ADARB2: variants seen among roughly 807,000 people sequenced by gnomAD.
The protein encoded by ADARB2 is inactive double-stranded RNA-specific editase B2.
Under a neutral mutation model 62.2 loss-of-function variants are expected in ADARB2, and 25 were observed. The ratio of observed to expected loss-of-function variants is 0.40; its 90% CI spans 0.29 to 0.56. The LOEUF (loss-of-function observed/expected upper bound fraction) is 0.56, where lower values mean the gene tolerates loss of function less well. ADARB2 is among the 20% of genes least tolerant of loss of function. The pLI is 0.43. For synonymous variants in ADARB2, 572 were observed against 500.8 expected (o/e 1.14, Z -1.90); for missense variants, 1,071 against 1,077.4 (o/e 0.99, Z 0.08).
At chr10:1,236,320 T>C (rs1446452036) in intron 5 of ADARB2, among the ~76,000 whole-genome samples, 291 of 15,452 alleles carry the variant, frequency 0.019, 17 homozygotes, top group Non-Finnish European at 0.024. Flanking sequence ...TCCCGGTGTT[T>C]ACTCCCCTCT....
At chr10:1,596,983 T>C (rs1760804612) in intron 1 of ADARB2, among the ~76,000 whole-genome samples, 1 of 151,928 alleles carries the variant, frequency 6.6e-6, no homozygotes, top group Non-Finnish European at 1.5e-5. Context: ...CAGTGTGTGA[T>C]TGTTAAAGGG....
chr10:1,354,875 C>A (rs896292428), intron 3 of ADARB2, among the ~76,000 whole-genome samples: 1 of 152,230 alleles, frequency 6.6e-6, no homozygotes, highest in African/African-American at 2.4e-5. Context: ...AGGCTGTAGG[C>A]TCTCTGCTTA....
At chr10:1,511,208 G>T (rs1316129512) in intron 1 of ADARB2, among the ~76,000 whole-genome samples, 1 of 152,060 alleles carries the variant, frequency 6.6e-6, no homozygotes, top group Non-Finnish European at 1.5e-5. Flanking sequence ...CGTATCGGGT[G>T]GATGCACTTA....
intron 1 of ADARB2, among the ~76,000 whole-genome samples, chr10:1,530,396 A>T (rs1832215806): frequency 1.3e-5 from 2 of 152,196 alleles, no homozygotes; most frequent in Non-Finnish European, 2.9e-5. Context: ...TTCCAAACCC[A>T]GCACCCGGGC....
chr10:1,285,419 C>A (rs1311945931), intron 3 of ADARB2, among the ~76,000 whole-genome samples: 1 of 152,170 alleles, frequency 6.6e-6, no homozygotes, highest in Non-Finnish European at 1.5e-5. Context: ...TTGCCTGGCA[C>A]CCTCAGAGCA....
At chr10:1,445,822 G>T (rs1235753017) in intron 1 of ADARB2, among the ~76,000 whole-genome samples, 1 of 152,224 alleles carries the variant, frequency 6.6e-6, no homozygotes, top group Non-Finnish European at 1.5e-5. Context: ...ATGGAAGGAG[G>T]TTTGTTAAGA....
At chr10:1,664,581 C>T (rs187614332) in intron 1 of ADARB2, among the ~76,000 whole-genome samples, 28 of 152,336 alleles carry the variant, frequency 1.8e-4, no homozygotes, top group African/African-American at 5.8e-4. Context: ...TTGCTGTTTA[C>T]GGCGAGCAGG....
chr10:1,536,781 C>A (rs1235680932), intron 1 of ADARB2, among the ~76,000 whole-genome samples: 1 of 152,132 alleles, frequency 6.6e-6, no homozygotes, highest in East Asian at 1.9e-4. Context: ...TGAAATTGGA[C>A]TCCTTCCTTT....
At chr10:1,572,099 G>T (rs937828583) in intron 1 of ADARB2, among the ~76,000 whole-genome samples, 1 of 147,886 alleles carries the variant, frequency 6.8e-6, no homozygotes, top group Admixed American at 6.7e-5. Context: ...TGGTGAGTGT[G>T]CAGGTGAGTG....
In ADARB2 at chr10:1,393,311, T is replaced by C. The variant is rs12569543; in HGVS notation, c.101-14151A>G. On this transcript the variant is annotated intron_variant, in intron 1 of 9. Coordinates refer to ENST00000381312, the MANE Select transcript of ADARB2 (RefSeq NM_018702.4). The stretch of plus-strand genomic sequence containing the variant: ...AGGCGTGCAATGCATAACAATCATA[T>C]CATGGAAAACGTGGTATCCATCCCC... Among the ~76,000 whole-genome samples the C allele has an allele frequency of 7.4e-3, 1,125 of 152,380 alleles. 24 individuals carry two copies. The East Asian group carries it at 0.081, about 11-fold the overall frequency.
intron 1 of ADARB2, among the ~76,000 whole-genome samples, chr10:1,392,952 A>C (rs921725863): frequency 2.0e-5 from 3 of 151,332 alleles, no homozygotes; most frequent in Non-Finnish European, 4.4e-5. Flanking sequence ...AATTGTGTTC[A>C]AAAAAAAACA....
chr10:1,399,174 A>G (rs1832641116), intron 1 of ADARB2, among the ~76,000 whole-genome samples: 1 of 152,232 alleles, frequency 6.6e-6, no homozygotes, highest in African/African-American at 2.4e-5. Context: ...TACAGGGGCC[A>G]ATGGCAGTCA....
intron 1 of ADARB2, among the ~76,000 whole-genome samples, chr10:1,570,096 C>T (rs543255395): frequency 2.0e-5 from 3 of 151,962 alleles, no homozygotes; most frequent in South Asian, 2.1e-4. Context: ...CACATACAAA[C>T]GTATATACGT....
chr10:1,337,029 A>G (rs1214082271), intron 3 of ADARB2, among the ~76,000 whole-genome samples: 1 of 151,538 alleles, frequency 6.6e-6, no homozygotes, highest in Non-Finnish European at 1.5e-5. Flanking sequence ...ACTAATCCAA[A>G]TAAAGATTTT....
At chr10:1,525,816 C>T (rs374363436) in intron 1 of ADARB2, among the ~76,000 whole-genome samples, 10 of 151,188 alleles carry the variant, frequency 6.6e-5, no homozygotes, top group Non-Finnish European at 1.2e-4. Context: ...TGAGCATGTA[C>T]GTGTGTGCGC....
At chr10:1,262,058 C>T (rs1479474997) in intron 4 of ADARB2, among the ~76,000 whole-genome samples, 51 of 144,348 alleles carry the variant, frequency 3.5e-4, no homozygotes, top group East Asian at 6.0e-4. Flanking sequence ...AACCAAACAC[C>T]GCATATTCTC....
intron 1 of ADARB2, among the ~76,000 whole-genome samples, chr10:1,713,213 G>A (rs760488041): frequency 3.9e-5 from 6 of 152,164 alleles, no homozygotes; most frequent in Non-Finnish European, 5.9e-5. Flanking sequence ...GATGGGAGGC[G>A]AAGGCAGAAC....
chr10:1,732,208 G>GTA (rs1258503602), intron 1 of ADARB2, among the ~76,000 whole-genome samples: 2 of 149,042 alleles, frequency 1.3e-5, no homozygotes, highest in African/African-American at 2.5e-5. Context: ...TAATATACAT[G>GTA]TATATATATA....
intron 8 of ADARB2, among the ~76,000 whole-genome samples, chr10:1,195,828 C>A (rs906645540): frequency 3.3e-5 from 5 of 152,104 alleles, no homozygotes; most frequent in Non-Finnish European, 7.4e-5. Flanking sequence ...TGGTGGGGGC[C>A]AGTTGGCTTT....
Sources: allele counts gnomAD v4.1 joint callset (sites outside exome capture counted in the v4.1 genomes callset), GRCh38; gene constraint gnomAD v4.1.1; transcripts MANE v1.5; gene names NCBI Gene and HGNC (gene_info 2026-07-23, HGNC 2026-07-21).